Variants in SLC2A13 observed in about 807,000 individuals in gnomAD.
SLC2A13 encodes proton myo-inositol cotransporter.
A neutral mutation model predicts 64.4 loss-of-function variants in SLC2A13; 32 were observed. The observed-to-expected ratio is 0.50, with a 90% CI of 0.37 to 0.67. SLC2A13 has a LOEUF of 0.67. Ranked by LOEUF, SLC2A13 falls within the 30% of genes least tolerant of loss-of-function variation. SLC2A13 has a pLI of 0.00. For missense variants in SLC2A13, 743 were observed against 829.2 expected, an observed-to-expected ratio of 0.90 and a Z score of 1.28; for synonymous variants, 338 against 327.1, an observed-to-expected ratio of 1.03 and a Z score of -0.36.
chr12:39,827,528 A>G (rs1224741272), intron 7 of SLC2A13, among the ~76,000 whole-genome samples: 1 of 151,698 alleles, frequency 6.6e-6, no homozygotes, highest in Non-Finnish European at 1.5e-5. Flanking sequence ...CACCACTTAC[A>G]CTCTTTTGTG....
rs140605087 is a variant in SLC2A13 at position 39,976,566 on chromosome 12, C to CT, written c.926-25202dup. ...CAATGTTTTAATTTTTAAATCTTCA[C>CT]TTTTTTTTTTAAAGACTGGGGGGGT... On this transcript the variant is annotated intron_variant, in intron 3 of 9. Coordinates refer to ENST00000280871, the MANE Select transcript of SLC2A13 (RefSeq NM_052885.4). 2.1e-3 allele frequency among the ~76,000 whole-genome samples: 319 copies of CT among 148,848 alleles called. 1 individual carries two copies. Among genetic ancestry groups the CT allele is most frequent in the African/African-American group, 7.2e-3 (291 of 40,564 alleles).
At chr12:39,780,381 G>A (rs918414347) in intron 7 of SLC2A13, among the ~76,000 whole-genome samples, 13 of 152,154 alleles carry the variant, frequency 8.5e-5, no homozygotes, top group Admixed American at 8.5e-4. Context: ...AAAAAGAGAT[G>A]AAATGAAAAC....
At chr12:40,041,449 A>G (rs538918302) in intron 2 of SLC2A13, among the ~76,000 whole-genome samples, 35 of 152,262 alleles carry the variant, frequency 2.3e-4, no homozygotes, top group Middle Eastern at 3.4e-3. Flanking sequence ...AAAAGCTCAA[A>G]TATCTTTCTG....
At chr12:39,816,863 A>C (rs1047583061) in intron 7 of SLC2A13, among the ~76,000 whole-genome samples, 1 of 152,184 alleles carries the variant, frequency 6.6e-6, no homozygotes, top group African/African-American at 2.4e-5. Flanking sequence ...GAAAGATTTT[A>C]AGAATTTGAA....
chr12:39,898,786 TCA>T (rs1245305771), intron 4 of SLC2A13, among the ~76,000 whole-genome samples: 11 of 152,136 alleles, frequency 7.2e-5, no homozygotes, highest in African/African-American at 2.2e-4. Flanking sequence ...AATTATTCTC[TCA>T]CAGCATGAAC....
intron 1 of SLC2A13, among the ~76,000 whole-genome samples, chr12:40,054,308 G>A (rs1192974166): frequency 6.6e-6 from 1 of 152,054 alleles, no homozygotes; most frequent in African/African-American, 2.4e-5. Context: ...AAGTTCAGGA[G>A]AGTTCTATGA....
At chr12:39,945,900 G>A (rs1053678498) in intron 4 of SLC2A13, among the ~76,000 whole-genome samples, 54 of 142,000 alleles carry the variant, frequency 3.8e-4, no homozygotes, top group African/African-American at 1.2e-3. Context: ...GTGAATTAGC[G>A]TGATTTTTTG....
chr12:39,844,218 C>T (rs1344570466), intron 6 of SLC2A13, among the ~76,000 whole-genome samples: 32 of 152,002 alleles, frequency 2.1e-4, no homozygotes, highest in Admixed American at 2.1e-3. Context: ...CTAAATAGTA[C>T]TCCTAACACT....
intron 1 of SLC2A13, among the ~76,000 whole-genome samples, chr12:40,083,400 T>A (rs28365171): frequency 6.6e-6 from 1 of 152,208 alleles, no homozygotes; most frequent in Non-Finnish European, 1.5e-5. Context: ...GGGACTGTCC[T>A]TGCAGCATAC....
At chr12:40,097,190 A>T (rs946980432) in intron 1 of SLC2A13, among the ~76,000 whole-genome samples, 1 of 152,216 alleles carries the variant, frequency 6.6e-6, no homozygotes, top group Admixed American at 6.5e-5. Context: ...GCTGCTAAAA[A>T]GCATTATATC....
intron 4 of SLC2A13, among the ~76,000 whole-genome samples, chr12:39,920,724 C>G (rs1299545885): frequency 6.6e-6 from 1 of 152,022 alleles, no homozygotes; most frequent in Non-Finnish European, 1.5e-5. Context: ...ATAAAACCAG[C>G]AGAGAAATCA....
intron 7 of SLC2A13, among the ~76,000 whole-genome samples, chr12:39,768,051 T>C (rs1940427149): frequency 6.6e-6 from 1 of 152,120 alleles, no homozygotes; most frequent in Admixed American, 6.6e-5. Context: ...TAGGTAGATG[T>C]TCTGGATAAC....
At chr12:40,024,138 C>T (rs948821416) in intron 3 of SLC2A13, among the ~76,000 whole-genome samples, 1 of 152,150 alleles carries the variant, frequency 6.6e-6, no homozygotes, top group Non-Finnish European at 1.5e-5. Context: ...GGCCATGACT[C>T]TATTACACAT....
intron 7 of SLC2A13, among the ~76,000 whole-genome samples, chr12:39,824,104 A>C (rs560429813): frequency 6.6e-6 from 1 of 152,236 alleles, no homozygotes; most frequent in East Asian, 1.9e-4. Context: ...AAAACAATGC[A>C]GAATATAGAA....
chr12:39,954,629 C>T (rs1489964918), intron 3 of SLC2A13, among the ~76,000 whole-genome samples: 1 of 152,042 alleles, frequency 6.6e-6, no homozygotes, highest in African/African-American at 2.4e-5. Context: ...ACTTGAATGC[C>T]ATCTAAAACA....
chr12:39,890,383 C>G (rs1412834578), intron 4 of SLC2A13, among the ~76,000 whole-genome samples: 1 of 152,052 alleles, frequency 6.6e-6, no homozygotes, highest in African/African-American at 2.4e-5. Flanking sequence ...TCCTACTTCC[C>G]TAAATATGTG....
chr12:40,078,547 T>G (rs778019508), intron 1 of SLC2A13, among the ~76,000 whole-genome samples: 49 of 152,232 alleles, frequency 3.2e-4, no homozygotes, highest in Non-Finnish European at 1.0e-4. Flanking sequence ...GCTAGTGTTT[T>G]GTTAAGGATT....
intron 6 of SLC2A13, among the ~76,000 whole-genome samples, chr12:39,845,165 TTTTC>T (rs1943272781): frequency 6.6e-6 from 1 of 152,182 alleles, no homozygotes; most frequent in African/African-American, 2.4e-5. Flanking sequence ...CTTTAATATA[TTTTC>T]TTTATGTTGA....
intron 1 of SLC2A13, among the ~76,000 whole-genome samples, chr12:40,081,073 G>A (rs1592067058): frequency 6.6e-6 from 1 of 151,996 alleles, no homozygotes; most frequent in Admixed American, 6.7e-5. Flanking sequence ...AAGGTCTGCT[G>A]TTAGCCTAAT....
Sources: gnomAD v4.1 joint callset for allele counts (sites outside exome capture counted in the v4.1 genomes callset) on GRCh38, gnomAD v4.1.1 for gene constraint, MANE v1.5 for transcripts, NCBI Gene and HGNC (gene_info 2026-07-23, HGNC 2026-07-21) for gene names.